The following APBA1 variants were observed in gnomAD, a reference collection of about 807,000 sequenced individuals.
The protein encoded by APBA1 is amyloid-beta A4 precursor protein-binding family A member 1.
A neutral mutation model predicts 86.6 loss-of-function variants in APBA1; 55 were observed. The observed-to-expected ratio is 0.64, with a 90% CI of 0.51 to 0.80. The LOEUF is 0.80. APBA1 is among the 30% of genes least tolerant of loss of function. The pLI is 0.00. For missense variants in APBA1, 1,090 were observed against 1,183.0 expected (o/e 0.92, Z 1.15); for synonymous variants, 511 against 493.9 (o/e 1.03, Z -0.46).
intron 1 of APBA1, among the ~76,000 whole-genome samples, chr9:69,659,416 A>G (rs1823707173): frequency 2.6e-5 from 4 of 152,180 alleles, no homozygotes; most frequent in Non-Finnish European, 5.9e-5. Context: ...CATTCTCTCT[A>G]CTTCATCAAG....
Position 69,458,143 on chromosome 9 carries a change from G to T in APBA1, c.1515+13C>A. 2 of 1,609,140 alleles carry T rather than the reference G, an allele frequency of 1.2e-6. No individual in the cohort carries two copies. The highest frequency in any genetic ancestry group is 1.7e-6 in the Non-Finnish European group (2 of 1,178,528). On this transcript the variant is annotated intron_variant, in intron 6 of 12. Transcript: ENST00000265381. ...GGCATAACACCAAGCTGATGAAGTT[G>T]TTTGTACTGCACCTTCTTCCTGCTT...
At chr9:69,670,540 G>T (rs1022119263) in intron 1 of APBA1, among the ~76,000 whole-genome samples, 2 of 152,164 alleles carry the variant, frequency 1.3e-5, no homozygotes, top group Non-Finnish European at 2.9e-5. Flanking sequence ...TAAGTGTAAA[G>T]TGCACTCATT....
At chr9:69,439,453 ATTTCTT>A (rs2133790768) in intron 11 of APBA1, among the ~76,000 whole-genome samples, 1 of 151,974 alleles carries the variant, frequency 6.6e-6, no homozygotes. Flanking sequence ...ATAGTCCCAT[ATTTCTT>A]GGAGGCTTTG....
chr9:69,667,284 T>A (rs1357741923), intron 1 of APBA1, among the ~76,000 whole-genome samples: 1 of 152,198 alleles, frequency 6.6e-6, no homozygotes, highest in Non-Finnish European at 1.5e-5. Context: ...ATACAAAAAT[T>A]ACTTAAGTAG....
intron 1 of APBA1, among the ~76,000 whole-genome samples, chr9:69,550,053 T>C (rs906809054): frequency 6.6e-6 from 1 of 152,248 alleles, no homozygotes; most frequent in Non-Finnish European, 1.5e-5. Flanking sequence ...TTAACTTCTA[T>C]GATTGTTATG....
At chr9:69,579,799 A>G (rs755130025) in intron 1 of APBA1, among the ~76,000 whole-genome samples, 24 of 152,252 alleles carry the variant, frequency 1.6e-4, no homozygotes, top group Middle Eastern at 3.2e-3. Context: ...AAGAGGAAGG[A>G]GAGGACAGAA....
In APBA1 at chr9:69,449,208, T is replaced by C. The variant is rs143969431; in HGVS notation, c.2181+376A>G. Among the ~76,000 whole-genome samples, 1,183 of 152,308 alleles carry C rather than the reference T, an allele frequency of 7.8e-3. 7 individuals are homozygous for C. Among genetic ancestry groups the C allele is most frequent in the Middle Eastern group, 0.041 (12 of 294 alleles). The stretch of plus-strand genomic sequence containing the variant: ...CATTTTTGACAGGGATGGTAAATCA[T>C]GCCAAGTGTATCTGGCTGACTATAA... On this transcript the variant is annotated intron_variant, in intron 10 of 12. Transcript: ENST00000265381.
intron 10 of APBA1, among the ~76,000 whole-genome samples, chr9:69,447,078 C>T (rs1834922410): frequency 6.6e-6 from 1 of 152,198 alleles, no homozygotes; most frequent in South Asian, 2.1e-4. Context: ...AGATGGCCAA[C>T]TTCTAGCATC....
intron 1 of APBA1, among the ~76,000 whole-genome samples, chr9:69,547,666 C>T (rs1433838653): frequency 2.0e-5 from 3 of 152,226 alleles, no homozygotes; most frequent in Non-Finnish European, 2.9e-5. Context: ...TATTAATTGT[C>T]CATTTTTAAG....
chr9:69,670,827 G>A (rs141805466), intron 1 of APBA1, among the ~76,000 whole-genome samples: 1,787 of 152,220 alleles, frequency 0.012, 34 homozygotes, highest in African/African-American at 0.041. Flanking sequence ...GGACCCCATC[G>A]CTGTGGGTCT....
intron 1 of APBA1, among the ~76,000 whole-genome samples, chr9:69,531,356 A>G (rs72719005): frequency 1.3e-5 from 2 of 152,094 alleles, no homozygotes; most frequent in African/African-American, 4.8e-5. Flanking sequence ...CAAAGAAAAG[A>G]CCCTTCAATT....
intron 1 of APBA1, among the ~76,000 whole-genome samples, chr9:69,529,321 C>A (rs1836389123): frequency 6.6e-6 from 1 of 152,068 alleles, no homozygotes; most frequent in African/African-American, 2.4e-5. Context: ...CACTAAGCAA[C>A]TATTAGGTAG....
chr9:69,485,592 T>C (rs1564051468), intron 2 of APBA1, among the ~76,000 whole-genome samples: 1 of 152,102 alleles, frequency 6.6e-6, no homozygotes. Flanking sequence ...AGACATGTGC[T>C]TGTGAGGGTA....
chr9:69,531,261 T>G (rs1172630423), intron 1 of APBA1, among the ~76,000 whole-genome samples: 1 of 152,250 alleles, frequency 6.6e-6, no homozygotes, highest in Admixed American at 6.5e-5. Flanking sequence ...CCTCCTAAAC[T>G]CTTTCTTTTC....
At chr9:69,550,054 G>A (rs1297988868) in intron 1 of APBA1, among the ~76,000 whole-genome samples, 1 of 152,188 alleles carries the variant, frequency 6.6e-6, no homozygotes, top group African/African-American at 2.4e-5. Flanking sequence ...TAACTTCTAT[G>A]ATTGTTATGA....
chr9:69,667,052 T>C (rs1485872882), intron 1 of APBA1, among the ~76,000 whole-genome samples: 1 of 152,204 alleles, frequency 6.6e-6, no homozygotes, highest in Non-Finnish European at 1.5e-5. Context: ...ATTCTACCAT[T>C]ACAGATAGAA....
intron 2 of APBA1, among the ~76,000 whole-genome samples, chr9:69,504,256 G>A (rs896233442): frequency 6.6e-6 from 1 of 151,916 alleles, no homozygotes; most frequent in African/African-American, 2.4e-5. Flanking sequence ...GGAAGTTCAT[G>A]TGTTCTTTGG....
chr9:69,601,498 T>G (rs1162047956), intron 1 of APBA1, among the ~76,000 whole-genome samples: 2 of 152,218 alleles, frequency 1.3e-5, no homozygotes, highest in East Asian at 3.8e-4. Context: ...TTGGCAACTA[T>G]TAAGTGGGTA....
At chr9:69,667,352 AAC>A (rs1249934951) in intron 1 of APBA1, among the ~76,000 whole-genome samples, 21 of 152,036 alleles carry the variant, frequency 1.4e-4, no homozygotes, top group Non-Finnish European at 2.8e-4. Context: ...CTGCTTTTCA[AAC>A]ACATGAGGTC....
Sources: allele counts gnomAD v4.1 joint callset (sites outside exome capture counted in the v4.1 genomes callset), GRCh38; gene constraint gnomAD v4.1.1; transcripts MANE v1.5; gene names NCBI Gene and HGNC (gene_info 2026-07-23, HGNC 2026-07-21).